The following RIT2 variants were observed in gnomAD, a reference collection of about 807,000 sequenced individuals.
The protein encoded by RIT2 is GTP-binding protein Rit2.
Under a neutral mutation model 23.7 loss-of-function variants are expected in RIT2, and 24 were observed. The ratio of observed to expected loss-of-function variants is 1.01; its 90% CI spans 0.73 to 1.43. The LOEUF (loss-of-function observed/expected upper bound fraction) is 1.43, where lower values mean the gene tolerates loss of function less well. Among genes scored for constraint, RIT2 ranks in the 40% most tolerant of loss-of-function variants. RIT2 has a pLI of 0.00. For synonymous variants in RIT2, 107 were observed against 91.1 expected, an observed-to-expected ratio of 1.17 and a Z score of -0.99; for missense variants, 236 against 266.9, an observed-to-expected ratio of 0.88 and a Z score of 0.81.
intron 4 of RIT2, among the ~76,000 whole-genome samples, chr18:42,806,750 C>A (rs1489289767): frequency 6.6e-6 from 1 of 152,192 alleles, no homozygotes; most frequent in African/African-American, 2.4e-5. Flanking sequence ...TAGATTAACA[C>A]TTTGCAAAGC....
At chr18:43,111,671 C>T (rs1347275672) in intron 1 of RIT2, among the ~76,000 whole-genome samples, 1 of 152,164 alleles carries the variant, frequency 6.6e-6, no homozygotes, top group Non-Finnish European at 1.5e-5. Flanking sequence ...TAGTCCTCAT[C>T]CTATACATTA....
rs9957233 is a variant in RIT2, at chr18:43,051,002, G to A, written c.104-17135C>T. On this transcript the variant is annotated intron_variant, in intron 1 of 4. Transcript: ENST00000326695. ...AGCAAATTAATCCAACCTAAAAGGT[G>A]TTAGTGAGAACCCCAACGTGAAGCC... Among the ~76,000 whole-genome samples, 593 of 152,214 alleles carry A rather than the reference G, an allele frequency of 3.9e-3. 3 individuals are homozygous for A. Among genetic ancestry groups the A allele is most frequent in the African/African-American group, 0.014 (563 of 41,536 alleles).
chr18:42,959,861 C>T (rs1367898463), intron 3 of RIT2, among the ~76,000 whole-genome samples: 1 of 152,066 alleles, frequency 6.6e-6, no homozygotes, highest in African/African-American at 2.4e-5. Context: ...GAGATGATGA[C>T]TAGGGAGATG....
chr18:42,752,504 C>T (rs1220465060), intron 4 of RIT2, among the ~76,000 whole-genome samples: 2 of 152,094 alleles, frequency 1.3e-5, no homozygotes, highest in Non-Finnish European at 2.9e-5. Flanking sequence ...GGTCACACAT[C>T]TAATTAAGTA....
chr18:43,097,753 C>T (rs1001694950), intron 1 of RIT2, among the ~76,000 whole-genome samples: 11 of 152,038 alleles, frequency 7.2e-5, no homozygotes, highest in South Asian at 4.1e-4. Context: ...TGAAAAGTGT[C>T]GCTACAGAGC....
chr18:43,073,469 G>T (rs927727244), intron 1 of RIT2, among the ~76,000 whole-genome samples: 9 of 152,080 alleles, frequency 5.9e-5, no homozygotes, highest in Non-Finnish European at 1.0e-4. Flanking sequence ...TTCTTTCTTT[G>T]TGATGCTAGC....
intron 4 of RIT2, among the ~76,000 whole-genome samples, chr18:42,798,306 G>T (rs902934749): frequency 1.9e-4 from 29 of 152,136 alleles, no homozygotes; most frequent in African/African-American, 6.8e-4. Flanking sequence ...AAGACAAAAA[G>T]GTTTAGGATT....
chr18:42,778,523 A>G (rs1913731999), intron 4 of RIT2, among the ~76,000 whole-genome samples: 1 of 152,200 alleles, frequency 6.6e-6, no homozygotes, highest in Admixed American at 6.5e-5. Context: ...AGTGAACACA[A>G]TAAATATATT....
intron 1 of RIT2, among the ~76,000 whole-genome samples, chr18:43,062,160 G>C (rs367603557): frequency 6.6e-6 from 1 of 152,010 alleles, no homozygotes; most frequent in Non-Finnish European, 1.5e-5. Flanking sequence ...GGAGGTTTAC[G>C]TGTATTTAAT....
chr18:43,092,204 C>T (rs1205318955), intron 1 of RIT2, among the ~76,000 whole-genome samples: 1 of 152,110 alleles, frequency 6.6e-6, no homozygotes, highest in Non-Finnish European at 1.5e-5. Context: ...TACCTCTCCC[C>T]AGGAAACATG....
chr18:42,990,067 T>C (rs963670068), intron 2 of RIT2, among the ~76,000 whole-genome samples: 6 of 151,436 alleles, frequency 4.0e-5, no homozygotes, highest in Non-Finnish European at 7.4e-5. Flanking sequence ...AGGAATACAA[T>C]AATGGAGGCT....
intron 3 of RIT2, among the ~76,000 whole-genome samples, chr18:42,973,037 C>T (rs1308146137): frequency 6.6e-6 from 1 of 151,838 alleles, no homozygotes; most frequent in African/African-American, 2.4e-5. Flanking sequence ...TTTAATAATA[C>T]TTTTGCATAA....
Position 42,811,711 on chromosome 18 carries a change from T to G in RIT2, c.427-67991A>C, listed in dbSNP as rs530454548. ...ATGTCAATCCAAATATTGTCATGCCTTAGTTGAAACGGAATGGAAGGATTC... is the reference window on the plus strand; with the variant it reads ...ATGTCAATCCAAATATTGTCATGCCGTAGTTGAAACGGAATGGAAGGATTC... On this transcript the variant is annotated intron_variant, in intron 4 of 4. Coordinates refer to ENST00000326695, the MANE Select transcript of RIT2 (RefSeq NM_002930.4). Among the ~76,000 whole-genome samples, 6 of 152,234 alleles carry G rather than the reference T, an allele frequency of 3.9e-5. No homozygotes were observed. The South Asian group carries it at 1.0e-3, about 26-fold the overall frequency.
At chr18:42,863,195 C>G (rs898226085) in intron 4 of RIT2, among the ~76,000 whole-genome samples, 7 of 152,056 alleles carry the variant, frequency 4.6e-5, no homozygotes, top group Non-Finnish European at 1.0e-4. Flanking sequence ...CTGTGTTATG[C>G]CAGCAAAATA....
At chr18:42,891,689 A>G (rs576669680) in intron 4 of RIT2, among the ~76,000 whole-genome samples, 3 of 152,290 alleles carry the variant, frequency 2.0e-5, no homozygotes, top group Admixed American at 2.0e-4. Context: ...ATTCTGGAAA[A>G]GGTGCAACTA....
At chr18:43,113,007 A>G (rs1199755678) in intron 1 of RIT2, among the ~76,000 whole-genome samples, 3 of 152,150 alleles carry the variant, frequency 2.0e-5, no homozygotes, top group African/African-American at 7.2e-5. Context: ...AGTCTTTGAT[A>G]TGAAAAGTAG....
chr18:43,000,177 A>C (rs1911071674), intron 2 of RIT2, among the ~76,000 whole-genome samples: 1 of 152,100 alleles, frequency 6.6e-6, no homozygotes, highest in South Asian at 2.1e-4. Context: ...GTCTACACTG[A>C]TAAATGGTAT....
At chr18:42,819,041 C>G (rs148429710) in intron 4 of RIT2, among the ~76,000 whole-genome samples, 4 of 152,048 alleles carry the variant, frequency 2.6e-5, no homozygotes, top group African/African-American at 9.6e-5. Flanking sequence ...AAGTTTAGAT[C>G]AGAAAAGTCA....
chr18:42,808,423 T>G (rs940560688), intron 4 of RIT2, among the ~76,000 whole-genome samples: 2 of 152,148 alleles, frequency 1.3e-5, no homozygotes, highest in Admixed American at 6.5e-5. Flanking sequence ...TATTCCCCCA[T>G]CCTATTGTTA....
Sources: allele counts gnomAD v4.1 joint callset (sites outside exome capture counted in the v4.1 genomes callset), GRCh38; gene constraint gnomAD v4.1.1; transcripts MANE v1.5; gene names NCBI Gene and HGNC (gene_info 2026-07-23, HGNC 2026-07-21).